The following SCAF4 variants were observed in gnomAD, a reference collection of about 807,000 sequenced individuals.
SCAF4 encodes SR-related CTD associated factor 4.
SCAF4 carries 25 observed loss-of-function variants against 129.8 expected under a neutral mutation model. The ratio of observed to expected loss-of-function variants is 0.19; its 90% confidence interval spans 0.14 to 0.27. The LOEUF (loss-of-function observed/expected upper bound fraction) is 0.27. Ranked by LOEUF, SCAF4 falls within the 10% of genes least tolerant of loss-of-function variation. SCAF4 has a pLI of 1.00. For synonymous variants in SCAF4, 551 were observed against 497.7 expected, an observed-to-expected ratio of 1.11 and a Z score of -1.43; for missense variants, 1,246 against 1,457.1, an observed-to-expected ratio of 0.86 and a Z score of 2.36.
intron 1 of SCAF4, among the ~76,000 whole-genome samples, chr21:31,721,211 T>C (rs531478849): frequency 1.7e-3 from 253 of 152,324 alleles, no homozygotes; most frequent in African/African-American, 5.7e-3. Context: ...TTATAAAATA[T>C]ATCCCTATAT....
intron 1 of SCAF4, among the ~76,000 whole-genome samples, chr21:31,723,630 GCGCGCGCGCGCGCGC>G (rs2051130954): frequency 1.1e-5 from 1 of 88,950 alleles, no homozygotes; most frequent in Non-Finnish European, 2.8e-5. Context: ...GTGTGTGTGT[GCGCGCGCGCGCGCGC>G]GCACATACAG....
Position 31,705,484 on chromosome 21 carries a change from G to C in SCAF4, c.115-17C>G. On this transcript the variant is annotated splice_polypyrimidine_tract_variant and intron_variant, in intron 2 of 19. Transcript: ENST00000286835. ...CTTATAAAGCTGAAAAGAATTAAGA[G>C]AAAATTACTGTTCAGTTTACTTATT... The C allele has an allele frequency of 8.5e-7, 1 of 1,182,784 alleles. No homozygotes were observed. The highest frequency in any genetic ancestry group is 1.2e-6 in the Non-Finnish European group (1 of 837,156). 73.3% of individuals were successfully genotyped at this position (1,182,784 alleles called of 1,614,324 possible). A position where few individuals can be genotyped will look rare whatever the true frequency, so the allele number is the denominator to read the frequency against.
In SCAF4 at chr21:31,671,313, C is replaced by A; in HGVS notation, c.*86G>T. 6.8e-7 allele frequency: 1 copy of A among 1,472,582 alleles called. No individual in the cohort carries two copies. Among genetic ancestry groups the A allele is most frequent in the African/African-American group, 1.4e-5 (1 of 71,580 alleles). 91.2% of individuals were successfully genotyped at this position (1,472,582 alleles called of 1,614,324 possible). On this transcript the variant is annotated 3_prime_UTR_variant, in exon 20 of 20. Transcript: ENST00000286835. ...CAGCTGGCGCGGGGCTGCAGTACAG[C>A]GGGAGCGGATATAATACAGCATCTG...
rs548725416 is a variant in SCAF4 at position 31,723,471 on chromosome 21, CAAACAAAACAAA to C, written c.30+8180_30+8191del. On this transcript the variant is annotated intron_variant, in intron 1 of 19. Transcript: ENST00000286835. ...CCGTCTCAAAAAAAACAAAACAAAA[CAAACAAAACAAA>C]AAACAAAACAAAAAATCCTGTAACA... Among the ~76,000 whole-genome samples the C allele has an allele frequency of 6.7e-3, 1,016 of 151,940 alleles. 7 individuals are homozygous for C. The highest frequency in any genetic ancestry group is 0.023 in the African/African-American group (937 of 41,454).
chr21:31,703,170 G>A (rs2050575776), intron 4 of SCAF4, among the ~76,000 whole-genome samples: 1 of 147,634 alleles, frequency 6.8e-6, no homozygotes, highest in Non-Finnish European at 1.5e-5. Flanking sequence ...ATCTATTATT[G>A]GCTCTTTCTT....
At chr21:31,725,719 AGTATGTAGCAGTATATTCCAGAG>A (rs1472015390) in intron 1 of SCAF4, among the ~76,000 whole-genome samples, 2 of 152,186 alleles carry the variant, frequency 1.3e-5, no homozygotes, top group Non-Finnish European at 2.9e-5. Context: ...TTTTCTCAGA[AGTATGTAGCAGTATATTCCAGAG>A]GCTACCTGAT....
At chr21:31,717,427 C>A (rs1417372225) in intron 1 of SCAF4, among the ~76,000 whole-genome samples, 2 of 152,048 alleles carry the variant, frequency 1.3e-5, no homozygotes, top group Non-Finnish European at 2.9e-5. Flanking sequence ...GTTTTATCTA[C>A]TAATTCAAAT....
rs2123544047 is a variant in SCAF4 at position 31,694,282 on chromosome 21, T to G, written c.1244A>C (p.Glu415Ala). The change falls in exon 11 of 20, where the codon GAA becomes GCA. Residue 415 changes from glutamate to alanine, a missense_variant. Physicochemically the swap from Glu to Ala is moderately radical, Grantham distance 107 (BLOSUM62 -1). Around this residue, in one of 6 missense-constraint regions of SCAF4, gnomAD observed 236 missense variants for 210.0 expected, o/e 1.12. Coordinates refer to ENST00000286835, the MANE Select transcript of SCAF4 (RefSeq NM_020706.2). ...LTQKPHQQEM[E>A]VEQPCIQEVK... ...CTCTTGAATACAAGGTTGTTCTACTTCCATTTCCTTAAAAAACAAAAACCA... is the reference window on the plus strand; with the variant it reads ...CTCTTGAATACAAGGTTGTTCTACTGCCATTTCCTTAAAAAACAAAAACCA... 1 of 1,594,402 alleles carries G rather than the reference T, an allele frequency of 6.3e-7. No homozygotes were observed. The highest frequency in any genetic ancestry group is 8.6e-7 in the Non-Finnish European group (1 of 1,167,148).
rs528190794 is a variant in SCAF4 at position 31,671,530 on chromosome 21, T to G, written c.3313A>C (p.Thr1105Pro). 1 of 1,614,194 alleles carries G rather than the reference T, an allele frequency of 6.2e-7. No individual in the cohort carries two copies. The highest frequency in any genetic ancestry group is 1.1e-5 in the South Asian group (1 of 91,088). The change falls in exon 20 of 20, where the codon ACT becomes CCT. Residue 1105 changes from threonine to proline, a missense_variant. Thr to Pro is a conservative substitution (Grantham distance 38, BLOSUM62 -1). This residue lies in a region of SCAF4 where 339 missense variants were observed against 325.0 expected (regional missense o/e 1.04). Coordinates refer to ENST00000286835, the MANE Select transcript of SCAF4 (RefSeq NM_020706.2). Reference protein sequence around the residue: ...PPISQVGNVDTASELEKGVSE... With the variant: ...PPISQVGNVDPASELEKGVSE... ...ACCCCCTTCTCAAGTTCTGAAGCAGTGTCTACATTTCCCACTTGGCTAATG... is the reference window on the plus strand; with the variant it reads ...ACCCCCTTCTCAAGTTCTGAAGCAGGGTCTACATTTCCCACTTGGCTAATG...
At chr21:31,725,211 T>C (rs2051172862) in intron 1 of SCAF4, among the ~76,000 whole-genome samples, 1 of 152,148 alleles carries the variant, frequency 6.6e-6, no homozygotes, top group Non-Finnish European at 1.5e-5. Flanking sequence ...TCTGTCTACA[T>C]GTCTTTAGAT....
At chr21:31,722,563 C>T (rs143998119) in intron 1 of SCAF4, among the ~76,000 whole-genome samples, 379 of 152,208 alleles carry the variant, frequency 2.5e-3, no homozygotes, top group Middle Eastern at 6.8e-3. Context: ...CTTCCTTGTA[C>T]GTGAATATCA....
intron 5 of SCAF4, 114 bp downstream of exon 5, chr21:31,702,130 G>A (rs2050547371): frequency 4.2e-6 from 6 of 1,434,260 alleles, no homozygotes; most frequent in South Asian, 3.7e-5. Flanking sequence ...CTTCCAAGAT[G>A]TAAACTCAAG....
chr21:31,677,229 T>C (rs931805078), intron 19 of SCAF4, among the ~76,000 whole-genome samples: 1 of 152,140 alleles, frequency 6.6e-6, no homozygotes, highest in Non-Finnish European at 1.5e-5. Context: ...CACCTGTTAT[T>C]TGTACCCTGG....
intron 19 of SCAF4, among the ~76,000 whole-genome samples, chr21:31,680,737 G>C (rs1321667556): frequency 1.3e-5 from 2 of 152,180 alleles, no homozygotes; most frequent in Non-Finnish European, 2.9e-5. Context: ...TGCATTACTA[G>C]TAGACTGGTG....
rs149325331 is a variant in SCAF4, at chr21:31,696,684, T to C, written c.844A>G (p.Thr282Ala). 4.0e-5 allele frequency: 64 copies of C among 1,613,734 alleles called. No homozygotes were observed. Among genetic ancestry groups the C allele is most frequent in the Non-Finnish European group, 5.3e-5 (62 of 1,179,772 alleles). Residue 282 changes from threonine (T) to alanine (A), a missense_variant, in exon 8 of 20, where the codon ACC becomes GCC. This residue lies in a region of SCAF4 where 236 missense variants were observed against 210.0 expected (regional missense o/e 1.12). Transcript: ENST00000286835. ...EAVEESKKEDTTAVTTTAPAA... is the reference protein window; with the variant it reads ...EAVEESKKEDATAVTTTAPAA... Reference sequence around the variant, plus strand: ...GGTGCTGTCGTGGTGACGGCAGTGGTATCCTCTTTCTTTGATTCTTCCACA... The same window carrying C: ...GGTGCTGTCGTGGTGACGGCAGTGGCATCCTCTTTCTTTGATTCTTCCACA...
chr21:31,727,804 T>A (rs948588120), intron 1 of SCAF4, among the ~76,000 whole-genome samples: 2 of 151,404 alleles, frequency 1.3e-5, no homozygotes, highest in Non-Finnish European at 2.9e-5. Context: ...AAAAAAAAAA[T>A]TCCATACTCT....
intron 1 of SCAF4, among the ~76,000 whole-genome samples, chr21:31,715,974 C>A (rs913038280): frequency 2.0e-5 from 3 of 152,148 alleles, no homozygotes; most frequent in Admixed American, 2.0e-4. Flanking sequence ...CTCTTAGTGA[C>A]TAGCAATTTC....
intron 19 of SCAF4, among the ~76,000 whole-genome samples, chr21:31,675,828 A>G (rs529652751): frequency 4.1e-4 from 63 of 152,330 alleles, no homozygotes; most frequent in Admixed American, 7.2e-4. Context: ...ATTGCCATCT[A>G]CAGCAAAGAT....
At chr21:31,714,630 T>C (rs1359307869) in intron 1 of SCAF4, among the ~76,000 whole-genome samples, 1 of 152,206 alleles carries the variant, frequency 6.6e-6, no homozygotes, top group Non-Finnish European at 1.5e-5. Context: ...TGGCCTGTGA[T>C]ACCTGCAGAA....
Sources: allele counts gnomAD v4.1 joint callset (sites outside exome capture counted in the v4.1 genomes callset), GRCh38; gene constraint gnomAD v4.1.1; regional missense constraint gnomAD v4.1.1; transcripts MANE v1.5; gene names NCBI Gene and HGNC (gene_info 2026-07-23, HGNC 2026-07-21).